Variants in HPSE2 observed in about 807,000 individuals in gnomAD.
HPSE2 encodes inactive heparanase-2.
Under a neutral mutation model 60.5 loss-of-function variants are expected in HPSE2, and 38 were observed. The ratio of observed to expected loss-of-function variants is 0.63; its 90% CI spans 0.48 to 0.82. HPSE2 has a LOEUF of 0.82. Ranked by LOEUF, HPSE2 falls within the 40% of genes least tolerant of loss-of-function variation. HPSE2 has a pLI of 0.00. For synonymous variants in HPSE2, 295 were observed against 293.2 expected (o/e 1.01, Z -0.06); for missense variants, 713 against 740.4 (o/e 0.96, Z 0.43).
intron 2 of HPSE2, among the ~76,000 whole-genome samples, chr10:99,207,378 C>T (rs1017678876): frequency 6.6e-5 from 10 of 152,162 alleles, no homozygotes; most frequent in East Asian, 3.9e-4. Context: ...CATCACCAGA[C>T]GTGTCTTTTA....
At chr10:98,921,048 A>G (rs1225377374) in intron 3 of HPSE2, among the ~76,000 whole-genome samples, 2 of 152,182 alleles carry the variant, frequency 1.3e-5, no homozygotes, top group Admixed American at 6.5e-5. Context: ...ACACACTTGC[A>G]TCTAAATCCT....
chr10:99,115,580 C>A (rs1161763353), intron 3 of HPSE2, among the ~76,000 whole-genome samples: 4 of 152,136 alleles, frequency 2.6e-5, no homozygotes, highest in Admixed American at 2.6e-4. Context: ...CAGGAGTGAG[C>A]CACTACACCT....
chr10:98,724,602 A>C (rs1347066025), intron 4 of HPSE2, among the ~76,000 whole-genome samples: 5 of 152,140 alleles, frequency 3.3e-5, no homozygotes, highest in African/African-American at 1.2e-4. Flanking sequence ...TGGGAGTCTA[A>C]GTCTCTTTGT....
intron 3 of HPSE2, among the ~76,000 whole-genome samples, chr10:98,989,897 T>C (rs1413161793): frequency 6.6e-6 from 1 of 152,218 alleles, no homozygotes; most frequent in Non-Finnish European, 1.5e-5. Flanking sequence ...TGCTGTCTCA[T>C]CACTGAATTT....
intron 9 of HPSE2, among the ~76,000 whole-genome samples, chr10:98,492,454 AT>A (rs1209416342): frequency 1.4e-5 from 2 of 146,070 alleles, no homozygotes; most frequent in Admixed American, 1.4e-4. Flanking sequence ...GTGAGCCGAG[AT>A]TGCGCCACTG....
intron 9 of HPSE2, among the ~76,000 whole-genome samples, chr10:98,523,733 T>C (rs1240487899): frequency 1.3e-5 from 2 of 152,204 alleles, no homozygotes; most frequent in Non-Finnish European, 2.9e-5. Context: ...AGTGGGATAC[T>C]AAAAATGTAT....
At chr10:98,870,842 G>T (rs1952711707) in intron 3 of HPSE2, among the ~76,000 whole-genome samples, 1 of 151,826 alleles carries the variant, frequency 6.6e-6, no homozygotes, top group Non-Finnish European at 1.5e-5. Context: ...AATCATGGAG[G>T]CAGATCCCTC....
intron 3 of HPSE2, among the ~76,000 whole-genome samples, chr10:99,053,321 A>C (rs1328548124): frequency 2.0e-5 from 3 of 152,110 alleles, no homozygotes; most frequent in African/African-American, 4.8e-5. Context: ...GATTGTGATA[A>C]GTTGAAGACC....
chr10:98,749,947 T>TATATATATATATATATATATACACAC, intron 3 of HPSE2, among the ~76,000 whole-genome samples: 61 of 98,456 alleles, frequency 6.2e-4, no homozygotes, highest in South Asian at 1.5e-3. Context: ...TATATATATA[T>TATATATATATATATATATATACACAC]ACACACACAC....
At chr10:98,619,801 T>A (rs1946022968) in intron 8 of HPSE2, among the ~76,000 whole-genome samples, 1 of 152,152 alleles carries the variant, frequency 6.6e-6, no homozygotes, top group Non-Finnish European at 1.5e-5. Flanking sequence ...CTCCATGAAG[T>A]CCTCCCTGAT....
chr10:99,119,696 T>C (rs11189978), intron 3 of HPSE2, among the ~76,000 whole-genome samples: 72,439 of 152,052 alleles, frequency 0.48, 19,623 homozygotes, highest in Non-Finnish European at 0.61. Context: ...CTTCAAACTA[T>C]GCTACAGAAC....
At chr10:99,155,099 A>G (rs1440442134) in intron 2 of HPSE2, among the ~76,000 whole-genome samples, 2 of 141,336 alleles carry the variant, frequency 1.4e-5, no homozygotes, top group African/African-American at 2.6e-5. Flanking sequence ...CCAGATTCAT[A>G]AAGCAAGTCC....
chr10:98,694,493 A>G (rs1197720440), intron 5 of HPSE2, among the ~76,000 whole-genome samples: 1 of 152,210 alleles, frequency 6.6e-6, no homozygotes, highest in African/African-American at 2.4e-5. Flanking sequence ...AGCAGCACAA[A>G]GAGAAATCTA....
intron 3 of HPSE2, among the ~76,000 whole-genome samples, chr10:98,768,843 G>A (rs7091642): frequency 0.039 from 6,008 of 152,178 alleles, 188 homozygotes; most frequent in East Asian, 0.12. Flanking sequence ...TTGAGGTCAG[G>A]AGTTCAAGAC....
intron 6 of HPSE2, among the ~76,000 whole-genome samples, chr10:98,688,385 A>G (rs1947973236): frequency 1.3e-5 from 2 of 150,748 alleles, no homozygotes; most frequent in South Asian, 4.2e-4. Context: ...ACCATTTCCA[A>G]TGCTCTTCAT....
intron 3 of HPSE2, among the ~76,000 whole-genome samples, chr10:99,052,260 A>G (rs567463825): frequency 2.0e-5 from 3 of 152,112 alleles, no homozygotes; most frequent in Non-Finnish European, 4.4e-5. Context: ...AACTCTAGAA[A>G]TGAAAAGTAC....
chr10:98,620,819 G>C, intron 7 of HPSE2, 111 bp from the exon 8 acceptor site: 1 of 808,606 alleles, frequency 1.2e-6, no homozygotes, highest in Admixed American at 2.0e-5. Context: ...TGTTTTCAGG[G>C]GGTCATGATT....
At chr10:98,815,235 T>C (rs1300799085) in intron 3 of HPSE2, among the ~76,000 whole-genome samples, 2 of 152,194 alleles carry the variant, frequency 1.3e-5, no homozygotes, top group Non-Finnish European at 2.9e-5. Context: ...CGAGCCATGA[T>C]GGCACCACTG....
intron 9 of HPSE2, among the ~76,000 whole-genome samples, chr10:98,611,349 C>T (rs936864914): frequency 2.0e-5 from 3 of 152,080 alleles, no homozygotes; most frequent in Non-Finnish European, 4.4e-5. Context: ...GGCTAGAATG[C>T]CACAAACTGG....
Sources: allele counts gnomAD v4.1 joint callset (sites outside exome capture counted in the v4.1 genomes callset), GRCh38; gene constraint gnomAD v4.1.1; transcripts MANE v1.5; gene names NCBI Gene and HGNC (gene_info 2026-07-23, HGNC 2026-07-21).